ANKRD12: variants seen among roughly 807,000 people sequenced by gnomAD.
The protein encoded by ANKRD12 is ankyrin repeat domain-containing protein 12.
A neutral mutation model predicts 183.4 loss-of-function variants in ANKRD12; 85 were observed. That is an observed-to-expected ratio of 0.46 (90% CI 0.39 to 0.56). The LOEUF (loss-of-function observed/expected upper bound fraction) is 0.56. Among genes scored for constraint, ANKRD12 ranks in the 20% least tolerant of loss-of-function variants. The pLI is 0.00. For missense variants in ANKRD12, 2,405 were observed against 2,357.1 expected (o/e 1.02, Z -0.42); for synonymous variants, 914 against 800.2 (o/e 1.14, Z -2.40).
chr18:9,242,178 T>C (rs2037702134), intron 8 of ANKRD12, among the ~76,000 whole-genome samples: 1 of 152,160 alleles, frequency 6.6e-6, no homozygotes. Context: ...TATCTTTCTT[T>C]GAAGTTCATA....
At position 9,254,287 on chromosome 18, in the gene ANKRD12, C is replaced by G; in HGVS notation, c.1020C>G (p.Leu340=). Residue 340 remains leucine (L), a synonymous_variant, in exon 9 of 13, where the codon CTC becomes CTG. Coordinates refer to ENST00000262126, the MANE Select transcript of ANKRD12 (RefSeq NM_015208.5). ...NIDSETEKDS[L]ICESKQILPS... The stretch of plus-strand genomic sequence containing the variant: ...ACTCTGAAACAGAGAAAGACTCTCT[C>G]ATCTGTGAAAGTAAACAGATACTTC... 1 of 1,612,034 alleles carries G rather than the reference C, an allele frequency of 6.2e-7. No homozygotes were observed. Among genetic ancestry groups the G allele is most frequent in the African/African-American group, 1.3e-5 (1 of 74,942 alleles).
chr18:9,236,812 CA>C (rs774496580), intron 8 of ANKRD12, among the ~76,000 whole-genome samples: 3 of 152,158 alleles, frequency 2.0e-5, no homozygotes, highest in Non-Finnish European at 4.4e-5. Context: ...TGAAAACACA[CA>C]TATATACCCC....
In ANKRD12 at chr18:9,182,418, C is replaced by A; in HGVS notation, c.-15C>A. 6.3e-7 allele frequency: 1 copy of A among 1,584,222 alleles called. No homozygotes were observed. The highest frequency in any genetic ancestry group is 8.6e-7 in the Non-Finnish European group (1 of 1,158,810). ...GAAGACTGATAAAAGAAGAAGCTAGCTGAACAGCTGTAAAATGCCCAAATC... is the reference window on the plus strand; with the variant it reads ...GAAGACTGATAAAAGAAGAAGCTAGATGAACAGCTGTAAAATGCCCAAATC... On this transcript the variant is annotated 5_prime_UTR_variant, in exon 2 of 13. The change creates a new upstream start codon in the 5' untranslated region. Transcript: ENST00000262126.
At chr18:9,160,442 T>G (rs935206975) in intron 1 of ANKRD12, among the ~76,000 whole-genome samples, 4 of 120,360 alleles carry the variant, frequency 3.3e-5, no homozygotes, top group African/African-American at 1.4e-4. Flanking sequence ...AATCCAGTGG[T>G]TTTTTTAGTA....
rs142838232 is a variant in ANKRD12 at position 9,193,094 on chromosome 18, A to G, written c.88-2457A>G. ...TATTCCAAGGAAATTACCCATTTTT[A>G]CAGGCTGTAAGTTTTTTAATAGTAT... On this transcript the variant is annotated intron_variant, in intron 2 of 12. Transcript: ENST00000262126. Among the ~76,000 whole-genome samples the G allele has an allele frequency of 1.1e-4, 17 of 149,986 alleles. No homozygotes were observed. In the East Asian group the frequency reaches 3.3e-3, roughly 29 times the overall value.
At chr18:9,174,302 G>C (rs945745188) in intron 1 of ANKRD12, among the ~76,000 whole-genome samples, 1 of 152,226 alleles carries the variant, frequency 6.6e-6, no homozygotes, top group Non-Finnish European at 1.5e-5. Context: ...AGTGAGGCCC[G>C]CAGAATGACA....
Position 9,216,686 on chromosome 18 carries a change from G to C in ANKRD12, c.653-72G>C. ...TTTTAGAATTTATATGTCACACATT[G>C]GTATGTATATGAAAAGCATATATTT... On this transcript the variant is annotated intron_variant, in intron 6 of 12. Transcript: ENST00000262126. The C allele has an allele frequency of 7.6e-6, 11 of 1,445,394 alleles. No individual in the cohort carries two copies. The South Asian group carries it at 1.2e-4, about 15-fold the overall frequency. The allele number at this position is 1,445,394 out of a possible 1,614,324, so 89.5% of individuals were successfully genotyped here. A position where few individuals can be genotyped will look rare whatever the true frequency, so the allele number is the denominator to read the frequency against.
At chr18:9,266,666 C>CA (rs1283609310) in intron 10 of ANKRD12, among the ~76,000 whole-genome samples, 1 of 152,170 alleles carries the variant, frequency 6.6e-6, no homozygotes, top group Admixed American at 6.5e-5. Context: ...AAAAACATGC[C>CA]AAATTGTAAA....
intron 8 of ANKRD12, among the ~76,000 whole-genome samples, chr18:9,252,790 TC>T (rs1408278487): frequency 2.0e-5 from 3 of 152,150 alleles, no homozygotes; most frequent in Non-Finnish European, 4.4e-5. Context: ...TTTGTGAAAC[TC>T]CGTTTCTACC....
chr18:9,144,323 C>T (rs894943152), intron 1 of ANKRD12, among the ~76,000 whole-genome samples: 18 of 152,176 alleles, frequency 1.2e-4, no homozygotes, highest in African/African-American at 4.3e-4. Context: ...TATTAATCTT[C>T]TATATGTTAC....
chr18:9,152,692 T>C (rs2078722254), intron 1 of ANKRD12, among the ~76,000 whole-genome samples: 1 of 152,152 alleles, frequency 6.6e-6, no homozygotes, highest in South Asian at 2.1e-4. Context: ...TCACATAGAT[T>C]GAATGTTCAT....
Position 9,208,810 on chromosome 18 carries a change from CCT to C in ANKRD12, c.451+8_451+9del. On this transcript the variant is annotated splice_region_variant and intron_variant, in intron 5 of 12. Transcript: ENST00000262126. ...GCAAGAGACAACAGTCCAGGTGATACCTACCATCATTGAGTTAATGTGTATCC... is the reference window on the plus strand; with the variant it reads ...GCAAGAGACAACAGTCCAGGTGATACACCATCATTGAGTTAATGTGTATCC... 1 of 1,544,486 alleles carries C rather than the reference CCT, an allele frequency of 6.5e-7. No individual in the cohort carries two copies. Among genetic ancestry groups the C allele is most frequent in the Non-Finnish European group, 8.7e-7 (1 of 1,144,466 alleles).
chr18:9,281,138 T>TGG lies in ANKRD12; in HGVS notation c.*12_*13insGG, dbSNP rs1184125666. On this transcript the variant is annotated 3_prime_UTR_variant, in exon 13 of 13. Transcript: ENST00000262126. Reference sequence around the variant, plus strand: ...TGACTCCTATATAGCAGTCAGTACTTCCTGATGGTATTGTCCTAAACTGGT... The same window carrying TGG: ...TGACTCCTATATAGCAGTCAGTACTTGGCCTGATGGTATTGTCCTAAACTGGT... The TGG allele has an allele frequency of 5.6e-6, 9 of 1,606,846 alleles. No individual in the cohort carries two copies. The highest frequency in any genetic ancestry group is 7.7e-6 in the Non-Finnish European group (9 of 1,175,568).
intron 8 of ANKRD12, among the ~76,000 whole-genome samples, chr18:9,225,879 T>C (rs1204874980): frequency 6.6e-6 from 1 of 152,034 alleles, no homozygotes; most frequent in Non-Finnish European, 1.5e-5. Context: ...CTAACTACAT[T>C]TAACAGCTGT....
At chr18:9,276,419 A>G (rs1313590849) in intron 11 of ANKRD12, among the ~76,000 whole-genome samples, 1 of 152,218 alleles carries the variant, frequency 6.6e-6, no homozygotes. Context: ...GGTAGGTTTC[A>G]AACTTAAGGC....
intron 8 of ANKRD12, among the ~76,000 whole-genome samples, chr18:9,230,090 G>A (rs2036955435): frequency 6.6e-6 from 1 of 152,004 alleles, no homozygotes; most frequent in South Asian, 2.1e-4. Flanking sequence ...ACTTCTTTGT[G>A]GTAATGCTTT....
intron 1 of ANKRD12, among the ~76,000 whole-genome samples, chr18:9,171,952 G>T (rs2032773029): frequency 6.6e-6 from 1 of 151,702 alleles, no homozygotes; most frequent in African/African-American, 2.4e-5. Context: ...CCCGGGAGGT[G>T]GAGGTTGCAA....
chr18:9,173,616 TG>T lies in ANKRD12; in HGVS notation c.-51-8756del, dbSNP rs1295840570. On this transcript the variant is annotated intron_variant, in intron 1 of 12. Coordinates refer to ENST00000262126, the MANE Select transcript of ANKRD12 (RefSeq NM_015208.5). ...TGGGAGCTCCATCCCGGTGGGGTGG[TG>T]GGGGGGGGGTAGGGGGGGCAGTACT... is the stretch of plus-strand genomic sequence containing the variant. Among the ~76,000 whole-genome samples the T allele has an allele frequency of 1.9e-3, 53 of 27,854 alleles. No homozygotes were observed. In the East Asian group the frequency reaches 0.029, roughly 15 times the overall value. 18.3% of individuals were successfully genotyped at this position (27,854 alleles called of 152,430 possible). A position where few individuals can be genotyped will look rare whatever the true frequency, so the allele number is the denominator to read the frequency against.
chr18:9,225,145 TAAAC>T (rs2036636888), intron 8 of ANKRD12, among the ~76,000 whole-genome samples: 1 of 30,800 alleles, frequency 3.2e-5, no homozygotes, highest in African/African-American at 6.4e-5. Flanking sequence ...TTTGAATAAA[TAAAC>T]AATATAGGGA....
Sources: allele counts gnomAD v4.1 joint callset (sites outside exome capture counted in the v4.1 genomes callset), GRCh38; gene constraint gnomAD v4.1.1; transcripts MANE v1.5; gene names NCBI Gene and HGNC (gene_info 2026-07-23, HGNC 2026-07-21).